SYTL2: variants seen among roughly 807,000 people sequenced by gnomAD.
SYTL2 encodes synaptotagmin like 2.
SYTL2 carries 165 observed loss-of-function variants against 198.7 expected under a neutral mutation model. That is an observed-to-expected ratio of 0.83 (90% confidence interval 0.73 to 0.94). The LOEUF is 0.94. Ranked by LOEUF, SYTL2 falls within the 40% of genes least tolerant of loss-of-function variation. SYTL2 has a pLI of 0.00. For synonymous variants in SYTL2, 966 were observed against 917.7 expected (o/e 1.05, Z -0.95); for missense variants, 2,835 against 2,582.8 (o/e 1.10, Z -2.12).
intron 4 of SYTL2, among the ~76,000 whole-genome samples, chr11:85,745,199 C>T (rs11234397): frequency 0.058 from 8,836 of 152,226 alleles, 315 homozygotes; most frequent in East Asian, 0.099. Flanking sequence ...ATCGCAGATT[C>T]GGCAATTGAA....
At chr11:85,741,652 C>T (rs185129032) in intron 4 of SYTL2, among the ~76,000 whole-genome samples, 2 of 152,186 alleles carry the variant, frequency 1.3e-5, no homozygotes, top group South Asian at 2.1e-4. Context: ...TCATCTCTAC[C>T]CTGCCTTTGG....
At chr11:85,738,690 GA>G (rs1302650518) in intron 4 of SYTL2, among the ~76,000 whole-genome samples, 1 of 152,218 alleles carries the variant, frequency 6.6e-6, no homozygotes, top group African/African-American at 2.4e-5. Flanking sequence ...GCCAGTGGGT[GA>G]TATGAGGAAC....
intron 2 of SYTL2, among the ~76,000 whole-genome samples, chr11:85,749,170 C>G (rs2091359351): frequency 6.6e-6 from 1 of 152,108 alleles, no homozygotes; most frequent in Admixed American, 6.6e-5. Context: ...AGATAGTCTG[C>G]CCTCCTAAAA....
rs1239915901 is a variant in SYTL2, at chr11:85,726,860, G to A, written c.2498C>T (p.Ser833Leu). The change falls in exon 8 of 20, where the codon TCA becomes TTA. Residue 833 changes from serine to leucine, a missense_variant. Physicochemically the swap from Ser to Leu is moderately radical, Grantham distance 145. Coordinates refer to ENST00000359152, the MANE Select transcript of SYTL2 (RefSeq NM_206927.4). ...ACTGTCCATGGATGATACACCCTGT[G>A]ACTTCTTCACAGGCTGATATGCTTT... Reference protein sequence around the residue: ...SAKAYQPVKKSQGVSSMDSLS... With the variant: ...SAKAYQPVKKLQGVSSMDSLS... 3 of 1,536,502 alleles carry A rather than the reference G, an allele frequency of 2.0e-6. No homozygotes were observed. Among genetic ancestry groups the A allele is most frequent in the East Asian group, 2.4e-5 (1 of 40,930 alleles).
intron 2 of SYTL2, among the ~76,000 whole-genome samples, chr11:85,756,216 C>A (rs1302338796): frequency 6.6e-6 from 1 of 152,184 alleles, no homozygotes; most frequent in Non-Finnish European, 1.5e-5. Context: ...GGGTTAGTGA[C>A]AATCCTTCAC....
At chr11:85,715,970 A>G (rs2087161189) in intron 11 of SYTL2, among the ~76,000 whole-genome samples, 1 of 152,146 alleles carries the variant, frequency 6.6e-6, no homozygotes, top group Non-Finnish European at 1.5e-5. Context: ...TGGATCATGT[A>G]TTTGATTTTT....
intron 1 of SYTL2, among the ~76,000 whole-genome samples, chr11:85,791,547 T>C (rs540094809): frequency 1.2e-4 from 18 of 152,190 alleles, no homozygotes; most frequent in Non-Finnish European, 2.4e-4. Context: ...TCTAAACATC[T>C]TTCCTGTTCT....
At position 85,726,455 on chromosome 11, in the gene SYTL2, A is replaced by G; in HGVS notation, c.2903T>C (p.Met968Thr). ...GACCTGTTCTGCATTGGGTTCATCC[A>G]TTCTTTCTTTTAGGGACATAACTTT... ...NFKVMSLKER[M>T]DEPNAEQVYN... The change falls in exon 8 of 20, where the codon ATG (methionine) becomes ACG (threonine). Residue 968 changes from methionine to threonine, a missense_variant. This residue lies in a region of SYTL2 where 2,645 missense variants were observed against 2,381.7 expected (regional missense o/e 1.11). Transcript: ENST00000359152. 1.2e-6 allele frequency: 2 copies of G among 1,613,120 alleles called. No individual in the cohort carries two copies. Among genetic ancestry groups the G allele is most frequent in the South Asian group, 1.1e-5 (1 of 90,982 alleles).
chr11:85,763,801 AT>A (rs1272829654), intron 1 of SYTL2, among the ~76,000 whole-genome samples: 1 of 152,246 alleles, frequency 6.6e-6, no homozygotes, highest in Non-Finnish European at 1.5e-5. Flanking sequence ...AAGAAGGCTC[AT>A]CCCCACCGGA....
In SYTL2 at chr11:85,727,581, G is replaced by A; in HGVS notation, c.1777C>T (p.Gln593Ter). The change falls in exon 8 of 20, where the codon CAA (glutamine) becomes TAA (stop). Residue 593 changes from glutamine (Q) to a stop codon, truncating the protein, a stop_gained. Coordinates refer to ENST00000359152, the MANE Select transcript of SYTL2 (RefSeq NM_206927.4). LOFTEE classifies it high-confidence loss of function. ...GAAACCAGCATATCTCCCTCTGCTT[G>A]GAATGGTGAGTCAGATCTCACAGGC... ...LKPVRSDSPF[Q>*]AEGDMLVSES... The A allele has an allele frequency of 6.5e-7, 1 of 1,536,010 alleles. No homozygotes were observed. Among genetic ancestry groups the A allele is most frequent in the Non-Finnish European group, 8.7e-7 (1 of 1,146,864 alleles).
In SYTL2 at chr11:85,717,528, C is replaced by A; in HGVS notation, c.5485G>T (p.Glu1829Ter). 6.2e-7 allele frequency: 1 copy of A among 1,612,462 alleles called. No homozygotes were observed. Among genetic ancestry groups the A allele is most frequent in the South Asian group, 1.1e-5 (1 of 91,024 alleles). ...EELVRSAEDDEKPDQKPVTNE... is the reference protein window; with the variant it reads ...EELVRSAEDD ...GTAACTGGCTTCTGATCTGGTTTCTCATCTACTCAGGAGGGCAACATTGAG... is the reference window on the plus strand; with the variant it reads ...GTAACTGGCTTCTGATCTGGTTTCTAATCTACTCAGGAGGGCAACATTGAG... Residue 1829 changes from glutamate to a stop codon, truncating the protein, a stop_gained and splice_region_variant, in exon 11 of 20, where the codon GAG becomes TAG. Transcript: ENST00000359152. LOFTEE classifies it high-confidence loss of function.
Position 85,711,151 on chromosome 11 carries a change from T to C in SYTL2, c.5707A>G (p.Asn1903Asp), listed in dbSNP as rs1298048895. 5 of 1,613,990 alleles carry C rather than the reference T, an allele frequency of 3.1e-6. No individual in the cohort carries two copies. Among genetic ancestry groups the C allele is most frequent in the Non-Finnish European group, 4.2e-6 (5 of 1,179,980 alleles). Residue 1903 changes from asparagine to aspartate, a missense_variant, in exon 13 of 20, where the codon AAT becomes GAT. Asn to Asp is a conservative substitution (Grantham distance 23). This residue lies in a region of SYTL2 where 2,645 missense variants were observed against 2,381.7 expected (regional missense o/e 1.11). Coordinates refer to ENST00000359152, the MANE Select transcript of SYTL2 (RefSeq NM_206927.4). ...RHKKSPSSLTNLSSSSGMTSL... is the reference protein window; with the variant it reads ...RHKKSPSSLTDLSSSSGMTSL... ...GTCATGCCAGAGGAGCTGCTAAGAT[T>C]GGTTAAAGAGCTCGGGCTCTTCTTG... is the stretch of plus-strand genomic sequence containing the variant.
chr11:85,797,669 T>C (rs911270381), intron 1 of SYTL2, among the ~76,000 whole-genome samples: 3 of 151,296 alleles, frequency 2.0e-5, no homozygotes, highest in Non-Finnish European at 4.4e-5. Context: ...AAAACATTAG[T>C]CTTTATTATT....
Position 85,733,581 on chromosome 11 carries a change from G to GTTT in SYTL2, c.1390+355_1390+357dup, listed in dbSNP as rs67133901. The stretch of plus-strand genomic sequence containing the variant: ...GGCCTGGGCATTTCAAGCCCACCAA[G>GTTT]TTTTTTTTTTTTGTTTTTTTTTTTT... On this transcript the variant is annotated intron_variant, in intron 7 of 19. Coordinates refer to ENST00000359152, the MANE Select transcript of SYTL2 (RefSeq NM_206927.4). 306 of 119,566 alleles carry GTTT rather than the reference G, an allele frequency of 2.6e-3. 11 individuals are homozygous for GTTT. The highest frequency in any genetic ancestry group is 6.8e-3 in the African/African-American group (204 of 30,156). 7.4% of individuals were successfully genotyped at this position (119,566 alleles called of 1,614,324 possible).
intron 1 of SYTL2, among the ~76,000 whole-genome samples, chr11:85,796,215 C>T (rs2092801862): frequency 6.6e-6 from 1 of 152,174 alleles, no homozygotes; most frequent in East Asian, 1.9e-4. Flanking sequence ...TTTAACTTCT[C>T]CAAGTCTAAT....
intron 4 of SYTL2, among the ~76,000 whole-genome samples, chr11:85,741,719 T>C (rs1213679012): frequency 6.6e-6 from 1 of 152,136 alleles, no homozygotes; most frequent in African/African-American, 2.4e-5. Flanking sequence ...CAATAGCTAA[T>C]CCTTCTGGGA....
chr11:85,725,430 C>G lies in SYTL2; in HGVS notation c.3928G>C (p.Asp1310His). 2 of 1,614,082 alleles carry G rather than the reference C, an allele frequency of 1.2e-6. No homozygotes were observed. Among genetic ancestry groups the G allele is most frequent in the Non-Finnish European group, 1.7e-6 (2 of 1,180,002 alleles). The change falls in exon 8 of 20, where the codon GAT (aspartate) becomes CAT (histidine). Residue 1310 changes from aspartate to histidine, a missense_variant. Asp to His is a moderately conservative substitution (Grantham distance 81). This residue lies in a region of SYTL2 where 2,645 missense variants were observed against 2,381.7 expected (regional missense o/e 1.11). Coordinates refer to ENST00000359152, the MANE Select transcript of SYTL2 (RefSeq NM_206927.4). ...TTTCTGGAAAGCTGGGAAGTTGGAT[C>G]CAATGGATGAGAATCTTCTGCAGCC... is the stretch of plus-strand genomic sequence containing the variant. The part of the protein sequence containing the change: ...QMAAEDSHPL[D>H]PTSQLSRKGS...
At chr11:85,833,104 AAG>A in the SYTL2 span, among the ~76,000 whole-genome samples, 22 of 57,902 alleles carry the variant, frequency 3.8e-4, no homozygotes, top group Middle Eastern at 6.6e-3. Flanking sequence ...AGAAAGAAGG[AAG>A]GAAGGAAGGA....
the SYTL2 span, among the ~76,000 whole-genome samples, chr11:85,826,583 A>C: frequency 6.6e-6 from 1 of 152,234 alleles, no homozygotes; most frequent in Non-Finnish European, 1.5e-5. Flanking sequence ...GTGCTGGTCT[A>C]GGGAGCCAGC....
Sources: allele counts gnomAD v4.1 joint callset (sites outside exome capture counted in the v4.1 genomes callset), GRCh38; gene constraint gnomAD v4.1.1; regional missense constraint gnomAD v4.1.1; transcripts MANE v1.5; gene names NCBI Gene and HGNC (gene_info 2026-07-23, HGNC 2026-07-21).